PARD3: variants seen among roughly 807,000 people sequenced by gnomAD.
The protein encoded by PARD3 is par-3 family cell polarity regulator, also known as partitioning defective 3 homolog.
PARD3 carries 75 observed loss-of-function variants against 155.4 expected under a neutral mutation model. The observed-to-expected ratio is 0.48, with a 90% CI of 0.40 to 0.58. The LOEUF (loss-of-function observed/expected upper bound fraction) is 0.58, where lower values mean the gene tolerates loss of function less well. Among genes scored for constraint, PARD3 ranks in the 20% least tolerant of loss-of-function variants. The probability of loss-of-function intolerance (pLI) is 0.00; values close to 1 mark genes in which losing one functional copy is unlikely to be tolerated. For synonymous variants in PARD3, 576 were observed against 610.5 expected, an observed-to-expected ratio of 0.94 and a Z score of 0.83; for missense variants, 1,642 against 1,721.7, an observed-to-expected ratio of 0.95 and a Z score of 0.82.
chr10:34,372,499 G>T lies in PARD3; in HGVS notation c.1706C>A (p.Thr569Lys). Residue 569 changes from threonine to lysine, a missense_variant and splice_region_variant, in exon 12 of 25, where the codon ACG (threonine) becomes AAG (lysine). Around this residue, in one of 3 missense-constraint regions of PARD3, gnomAD observed 1,529 missense variants for 1,587.3 expected, o/e 0.96. Transcript: ENST00000374788. ...EPSQMQIPKE[T>K]KAEDEDIVLT... ...TCCTTCAAAAGACAAAGCTCTTACC[G>T]TTTCTTTTGGAATCTGCATCTGGCT... 2 of 1,607,664 alleles carry T rather than the reference G, an allele frequency of 1.2e-6. No individual in the cohort carries two copies. The highest frequency in any genetic ancestry group is 1.7e-6 in the Non-Finnish European group (2 of 1,174,514).
chr10:34,292,767 A>C (rs892076783), intron 20 of PARD3, among the ~76,000 whole-genome samples: 5 of 152,048 alleles, frequency 3.3e-5, no homozygotes, highest in Middle Eastern at 3.2e-3. Flanking sequence ...ACCAAGCTAG[A>C]ACAATCTTTA....
intron 2 of PARD3, among the ~76,000 whole-genome samples, chr10:34,564,818 T>A (rs1324305): frequency 6.6e-6 from 1 of 152,022 alleles, no homozygotes; most frequent in South Asian, 2.1e-4. Flanking sequence ...CTGTCTACAA[T>A]TGCAAGCCAT....
At chr10:34,703,567 A>T (rs781549394) in intron 1 of PARD3, among the ~76,000 whole-genome samples, 1 of 152,214 alleles carries the variant, frequency 6.6e-6, no homozygotes, top group Non-Finnish European at 1.5e-5. Flanking sequence ...GAGAATTGGG[A>T]AAACAGAGAA....
chr10:34,421,119 C>T (rs1846148049), intron 5 of PARD3, among the ~76,000 whole-genome samples: 1 of 152,118 alleles, frequency 6.6e-6, no homozygotes, highest in South Asian at 2.1e-4. Context: ...CTGCAGTGAG[C>T]CATGATCATT....
chr10:34,503,942 A>C (rs1367856088), intron 3 of PARD3, among the ~76,000 whole-genome samples: 1 of 152,208 alleles, frequency 6.6e-6, no homozygotes, highest in Non-Finnish European at 1.5e-5. Flanking sequence ...CATTCATTTC[A>C]TATCTGGTTA....
chr10:34,614,511 A>G (rs1269615486), intron 2 of PARD3, among the ~76,000 whole-genome samples: 1 of 152,234 alleles, frequency 6.6e-6, no homozygotes, highest in Non-Finnish European at 1.5e-5. Context: ...TTGGACCCAG[A>G]TCATTTCTTT....
At chr10:34,442,162 T>A (rs1036717682) in intron 5 of PARD3, among the ~76,000 whole-genome samples, 5 of 152,216 alleles carry the variant, frequency 3.3e-5, no homozygotes, top group African/African-American at 4.8e-5. Context: ...GGGCTTAGTT[T>A]ATTTTTAACC....
intron 22 of PARD3, among the ~76,000 whole-genome samples, chr10:34,151,661 T>A (rs569945421): frequency 2.2e-4 from 33 of 152,252 alleles, no homozygotes; most frequent in Non-Finnish European, 4.1e-4. Context: ...AAGCTTCAAT[T>A]TAAAAAAATA....
chr10:34,465,555 A>T (rs1211049211), intron 4 of PARD3, among the ~76,000 whole-genome samples: 2 of 152,158 alleles, frequency 1.3e-5, no homozygotes, highest in East Asian at 3.9e-4. Flanking sequence ...GGTAAGAAAC[A>T]TTGCAAGGTC....
intron 2 of PARD3, among the ~76,000 whole-genome samples, chr10:34,676,570 A>C (rs1238453849): frequency 6.6e-6 from 1 of 152,200 alleles, no homozygotes; most frequent in South Asian, 2.1e-4. Flanking sequence ...CATGTTTACA[A>C]GGGCAGAACA....
At chr10:34,574,942 T>C (rs972073648) in intron 2 of PARD3, among the ~76,000 whole-genome samples, 1 of 152,210 alleles carries the variant, frequency 6.6e-6, no homozygotes, top group Admixed American at 6.5e-5. Flanking sequence ...GTCTTTATTA[T>C]GAACACATTC....
chr10:34,614,290 T>TA (rs1233265443), intron 2 of PARD3, among the ~76,000 whole-genome samples: 3 of 151,944 alleles, frequency 2.0e-5, no homozygotes, highest in Non-Finnish European at 4.4e-5. Flanking sequence ...GAGTTGGCGC[T>TA]AAAAAAACAG....
intron 7 of PARD3, among the ~76,000 whole-genome samples, chr10:34,387,150 AATC>A (rs1391306552): frequency 6.6e-6 from 1 of 152,342 alleles, no homozygotes; most frequent in East Asian, 1.9e-4. Flanking sequence ...TAATTGGTGA[AATC>A]ATAAGCGATT....
chr10:34,458,217 T>G (rs1422021567), intron 4 of PARD3, among the ~76,000 whole-genome samples: 1 of 152,156 alleles, frequency 6.6e-6, no homozygotes, highest in Non-Finnish European at 1.5e-5. Context: ...ATTTATTTTT[T>G]GGGGAGACAG....
chr10:34,372,437 A>T (rs1258840688), intron 12 of PARD3, 61 bp downstream of exon 12: 2 of 1,203,784 alleles, frequency 1.7e-6, no homozygotes, highest in South Asian at 2.4e-5. Context: ...TAAATTAGTA[A>T]GAAGTTAGTT....
intron 2 of PARD3, among the ~76,000 whole-genome samples, chr10:34,666,816 TACAC>T (rs1554804682): frequency 1.6e-4 from 14 of 88,802 alleles, no homozygotes; most frequent in Admixed American, 6.2e-4. Flanking sequence ...TATATATATA[TACAC>T]ACACACACAC....
chr10:34,399,008 G>A (rs1014194809), intron 7 of PARD3, among the ~76,000 whole-genome samples: 3 of 152,036 alleles, frequency 2.0e-5, no homozygotes, highest in South Asian at 2.1e-4. Flanking sequence ...TCTCCTTAAC[G>A]TTGCAAATTC....
chr10:34,324,253 C>T (rs551236662), intron 19 of PARD3, among the ~76,000 whole-genome samples: 1 of 152,206 alleles, frequency 6.6e-6, no homozygotes, highest in South Asian at 2.1e-4. Context: ...TTCCCAAAAG[C>T]GAATGTTCTT....
chr10:34,421,694 C>T (rs936644299), intron 5 of PARD3, among the ~76,000 whole-genome samples: 3 of 152,146 alleles, frequency 2.0e-5, no homozygotes, highest in Admixed American at 2.0e-4. Context: ...CTATGATATG[C>T]TAAGTGCCAT....
Sources: allele counts gnomAD v4.1 joint callset (sites outside exome capture counted in the v4.1 genomes callset), GRCh38; gene constraint gnomAD v4.1.1; regional missense constraint gnomAD v4.1.1; transcripts MANE v1.5; gene names NCBI Gene and HGNC (gene_info 2026-07-23, HGNC 2026-07-21).